The following LRRIQ1 variants were observed in gnomAD, a reference collection of about 807,000 sequenced individuals.
LRRIQ1 encodes leucine-rich repeat- and IQ domain-containing protein 1.
A neutral mutation model predicts 211.9 loss-of-function variants in LRRIQ1; 210 were observed. The observed-to-expected ratio is 0.99, with a 90% CI of 0.89 to 1.11. The LOEUF (loss-of-function observed/expected upper bound fraction) is 1.11. Ranked by LOEUF, LRRIQ1 falls within the 50% of genes most tolerant of loss-of-function variation. LRRIQ1 has a pLI of 0.00. For synonymous variants in LRRIQ1, 699 were observed against 650.1 expected, an observed-to-expected ratio of 1.08 and a Z score of -1.14; for missense variants, 2,136 against 1,939.5, an observed-to-expected ratio of 1.10 and a Z score of -1.90.
At chr12:85,191,223 A>G (rs560369365) in intron 24 of LRRIQ1, among the ~76,000 whole-genome samples, 4 of 151,952 alleles carry the variant, frequency 2.6e-5, no homozygotes, top group Non-Finnish European at 5.9e-5. Context: ...GTTGTGCATT[A>G]TATGGATTTT....
intron 24 of LRRIQ1, among the ~76,000 whole-genome samples, chr12:85,196,180 T>C (rs1036654483): frequency 2.1e-4 from 32 of 151,806 alleles, no homozygotes; most frequent in Admixed American, 1.9e-3. Flanking sequence ...TAAAAGAGGA[T>C]ACAAACAAAT....
At chr12:85,198,262 C>T (rs1465416543) in intron 24 of LRRIQ1, among the ~76,000 whole-genome samples, 2 of 147,346 alleles carry the variant, frequency 1.4e-5, no homozygotes, top group African/African-American at 5.0e-5. Context: ...AATAGTGCTG[C>T]AATGAACATA....
At chr12:85,217,680 G>GTATA (rs199691745) in intron 24 of LRRIQ1, among the ~76,000 whole-genome samples, 1 of 142,706 alleles carries the variant, frequency 7.0e-6, no homozygotes, top group African/African-American at 2.7e-5. Context: ...GTGTATATAT[G>GTATA]TATATATGTG....
intron 18 of LRRIQ1, among the ~76,000 whole-genome samples, chr12:85,132,529 A>C (rs921490178): frequency 3.3e-5 from 5 of 152,112 alleles, no homozygotes; most frequent in African/African-American, 1.2e-4. Flanking sequence ...GCACTTCTGG[A>C]GGCCAAGTTG....
chr12:85,102,959 A>AAAAT (rs1458673370), intron 13 of LRRIQ1, among the ~76,000 whole-genome samples: 5 of 108,460 alleles, frequency 4.6e-5, no homozygotes, highest in Admixed American at 9.7e-5. Flanking sequence ...AAAAAAAAAA[A>AAAAT]ATATATATAT....
intron 24 of LRRIQ1, among the ~76,000 whole-genome samples, chr12:85,185,278 GT>G (rs1454449415): frequency 1.3e-5 from 2 of 151,628 alleles, no homozygotes; most frequent in Admixed American, 1.3e-4. Flanking sequence ...GTTTTACTGT[GT>G]GTTTCATATG....
intron 24 of LRRIQ1, among the ~76,000 whole-genome samples, chr12:85,163,198 TA>T (rs1890986185): frequency 6.6e-6 from 1 of 152,308 alleles, no homozygotes; most frequent in Admixed American, 6.5e-5. Flanking sequence ...AACTTTATTA[TA>T]AAATGCACCT....
intron 19 of LRRIQ1, among the ~76,000 whole-genome samples, chr12:85,148,311 C>G (rs971868052): frequency 1.3e-5 from 2 of 151,854 alleles, no homozygotes; most frequent in African/African-American, 4.8e-5. Flanking sequence ...CCTCCCCACC[C>G]ACCAACAGGC....
Position 85,124,067 on chromosome 12 carries a change from C to T in LRRIQ1, c.3558-3C>T, listed in dbSNP as rs1198672252. 1.3e-6 allele frequency: 2 copies of T among 1,588,730 alleles called. No homozygotes were observed. The highest frequency in any genetic ancestry group is 2.7e-5 in the African/African-American group (2 of 74,088). On this transcript the variant is annotated splice_region_variant and splice_polypyrimidine_tract_variant and intron_variant, in intron 16 of 26. Transcript: ENST00000393217. ...TAAATGTTCTCATCATTTATTTGTT[C>T]AGAGATGTATTTACCTTGGATACTG...
At position 85,096,637 on chromosome 12, in the gene LRRIQ1, T is replaced by C. The variant is rs1371832853; in HGVS notation, c.2888-1718T>C. Among the ~76,000 whole-genome samples the C allele has an allele frequency of 2.0e-5, 3 of 151,520 alleles. No homozygotes were observed. In the East Asian group the frequency reaches 5.9e-4, roughly 30 times the overall value. ...GATGAGAAGAATGTATATTCTGTGG[T>C]TTATGGGTAGAGCATTCTGTAGACA... On this transcript the variant is annotated intron_variant, in intron 11 of 26. Transcript: ENST00000393217.
intron 15 of LRRIQ1, among the ~76,000 whole-genome samples, chr12:85,118,096 C>T (rs1280617493): frequency 6.6e-6 from 1 of 152,132 alleles, no homozygotes; most frequent in Non-Finnish European, 1.5e-5. Context: ...CTCCTAACCC[C>T]TCTGATGAAT....
chr12:85,213,045 A>G (rs1893913583), intron 24 of LRRIQ1, among the ~76,000 whole-genome samples: 1 of 151,758 alleles, frequency 6.6e-6, no homozygotes, highest in Non-Finnish European at 1.5e-5. Context: ...AAATGATTAA[A>G]TAGCCCAGGT....
intron 24 of LRRIQ1, among the ~76,000 whole-genome samples, chr12:85,220,580 A>G (rs1186758297): frequency 6.6e-6 from 1 of 151,374 alleles, no homozygotes; most frequent in Non-Finnish European, 1.5e-5. Flanking sequence ...AAGTAATTTT[A>G]TATGAATGAG....
rs1056107529 is a variant in LRRIQ1 at position 85,165,609 on chromosome 12, A to G, written c.4822+4895A>G. Among the ~76,000 whole-genome samples, 3 of 151,228 alleles carry G rather than the reference A, an allele frequency of 2.0e-5. No individual in the cohort carries two copies. In the East Asian group the frequency reaches 5.9e-4, roughly 30 times the overall value. ...TGCCTCATCCTCCCAAGTAGCTGGCATTACAGGCACACGCCACCACGCCCA... is the reference window on the plus strand; with the variant it reads ...TGCCTCATCCTCCCAAGTAGCTGGCGTTACAGGCACACGCCACCACGCCCA... On this transcript the variant is annotated intron_variant, in intron 24 of 26. Coordinates refer to ENST00000393217, the MANE Select transcript of LRRIQ1 (RefSeq NM_001079910.2).
rs188823415 is a variant in LRRIQ1, at chr12:85,236,622, C to T, written c.5016+3866C>T. Among the ~76,000 whole-genome samples, 538 of 151,824 alleles carry T rather than the reference C, an allele frequency of 3.5e-3. 3 individuals carry two copies. Among genetic ancestry groups the T allele is most frequent in the Non-Finnish European group, 4.3e-3 (295 of 67,918 alleles). Reference sequence around the variant, plus strand: ...TGTGTACAGTTGGTGAAAGTAGAAGCTGGTACAGTCATTCTGGAAAGAAAC... The same window carrying T: ...TGTGTACAGTTGGTGAAAGTAGAAGTTGGTACAGTCATTCTGGAAAGAAAC... On this transcript the variant is annotated intron_variant, in intron 26 of 26. Transcript: ENST00000393217.
At chr12:85,202,204 T>C (rs1893333290) in intron 24 of LRRIQ1, among the ~76,000 whole-genome samples, 2 of 152,166 alleles carry the variant, frequency 1.3e-5, no homozygotes, top group Admixed American at 1.3e-4. Flanking sequence ...TTTTTTTACA[T>C]CTGTTTGTGT....
intron 19 of LRRIQ1, among the ~76,000 whole-genome samples, chr12:85,148,909 A>T (rs1890064749): frequency 6.6e-6 from 1 of 151,894 alleles, no homozygotes; most frequent in Admixed American, 6.6e-5. Flanking sequence ...GGTAATGTTG[A>T]ACTTTTTTTT....
chr12:85,266,290 A>G (rs374293026), downstream of LRRIQ1, among the ~76,000 whole-genome samples: 3 of 152,130 alleles, frequency 2.0e-5, no homozygotes, highest in African/African-American at 7.2e-5. Context: ...TGAGAGCCAT[A>G]TTATATTTGA....
At chr12:85,208,753 A>T (rs919908192) in intron 24 of LRRIQ1, among the ~76,000 whole-genome samples, 3 of 152,286 alleles carry the variant, frequency 2.0e-5, no homozygotes, top group African/African-American at 7.2e-5. Flanking sequence ...AACCCATTCT[A>T]TTGTTACTAT....
Sources: allele counts gnomAD v4.1 joint callset (sites outside exome capture counted in the v4.1 genomes callset), GRCh38; gene constraint gnomAD v4.1.1; transcripts MANE v1.5; gene names NCBI Gene and HGNC (gene_info 2026-07-23, HGNC 2026-07-21).